Variants in JAZF1 observed in about 807,000 individuals in gnomAD.
JAZF1 encodes the protein JAZF zinc finger 1.
A neutral mutation model predicts 26.4 loss-of-function variants in JAZF1; 8 were observed. The ratio of observed to expected loss-of-function variants is 0.30; its 90% CI spans 0.18 to 0.55. The LOEUF is 0.55. JAZF1 is among the 20% of genes least tolerant of loss of function. The pLI is 0.94. For missense variants in JAZF1, 199 were observed against 322.0 expected (o/e 0.62, Z 2.92); for synonymous variants, 126 against 122.3 (o/e 1.03, Z -0.20).
chr7:28,174,882 C>G (rs1783527061), intron 1 of JAZF1, among the ~76,000 whole-genome samples: 1 of 119,170 alleles, frequency 8.4e-6, no homozygotes, highest in Admixed American at 8.8e-5. Context: ...TAGCATTACA[C>G]CTGGGGGCTT....
At chr7:27,897,694 G>A (rs1044769056) in intron 2 of JAZF1, among the ~76,000 whole-genome samples, 1 of 152,220 alleles carries the variant, frequency 6.6e-6, no homozygotes, top group Admixed American at 6.5e-5. Context: ...TGCACAGAAT[G>A]GGGAGCTATG....
chr7:27,963,050 T>C (rs2128357637), intron 2 of JAZF1, among the ~76,000 whole-genome samples: 1 of 152,280 alleles, frequency 6.6e-6, no homozygotes, highest in South Asian at 2.1e-4. Flanking sequence ...AAACCTTCAT[T>C]ATTAGGGAAT....
rs1391945067 is a variant in JAZF1, at chr7:27,833,097, TG to T, written c.556-122del. The T allele has an allele frequency of 1.0e-5, 7 of 685,550 alleles. No homozygotes were observed. In the South Asian group the frequency reaches 1.3e-4, roughly 13 times the overall value. 42.5% of individuals were successfully genotyped at this position (685,550 alleles called of 1,614,324 possible). A position where few individuals can be genotyped will look rare whatever the true frequency, so the allele number is the denominator to read the frequency against. ...GGCAGCTGTTTAGAGTGTAGTCTTT[TG>T]CAAGGACTCCAGTTGGGACCCTTCA... On this transcript the variant is annotated intron_variant, in intron 4 of 4. Coordinates refer to ENST00000283928, the MANE Select transcript of JAZF1 (RefSeq NM_175061.4).
intron 2 of JAZF1, among the ~76,000 whole-genome samples, chr7:27,965,425 T>C (rs1785256260): frequency 6.6e-6 from 1 of 152,204 alleles, no homozygotes; most frequent in Admixed American, 6.5e-5. Context: ...TTAACACACA[T>C]AAATGTCTTT....
intron 1 of JAZF1, among the ~76,000 whole-genome samples, chr7:28,176,784 G>C (rs1481189487): frequency 2.0e-5 from 3 of 152,144 alleles, no homozygotes; most frequent in East Asian, 3.8e-4. Flanking sequence ...TGATTCAACA[G>C]TTGTGTTTCT....
intron 1 of JAZF1, among the ~76,000 whole-genome samples, chr7:28,173,620 A>C (rs1303063697): frequency 6.6e-6 from 1 of 152,112 alleles, no homozygotes; most frequent in East Asian, 1.9e-4. Flanking sequence ...ATGTCCCTTC[A>C]AGGAGGTCTA....
chr7:28,147,994 T>C (rs1783053737), intron 1 of JAZF1, among the ~76,000 whole-genome samples: 1 of 152,156 alleles, frequency 6.6e-6, no homozygotes, highest in South Asian at 2.1e-4. Context: ...CTTTCTTTCC[T>C]TTATCCCCAT....
chr7:28,009,136 T>A (rs1782752924), intron 1 of JAZF1, among the ~76,000 whole-genome samples: 1 of 152,164 alleles, frequency 6.6e-6, no homozygotes, highest in Non-Finnish European at 1.5e-5. Flanking sequence ...CTAGGCTTAC[T>A]TAAGATGAGG....
intron 1 of JAZF1, among the ~76,000 whole-genome samples, chr7:28,076,636 G>A (rs1784055424): frequency 6.7e-6 from 1 of 149,208 alleles, no homozygotes; most frequent in South Asian, 2.1e-4. Context: ...GTGGAATTCA[G>A]AGTGAATGCT....
chr7:28,033,002 C>T (rs1783218528), intron 1 of JAZF1, among the ~76,000 whole-genome samples: 1 of 152,168 alleles, frequency 6.6e-6, no homozygotes, highest in Non-Finnish European at 1.5e-5. Context: ...CAGTCCTTGA[C>T]CCCTTCATCT....
intron 2 of JAZF1, among the ~76,000 whole-genome samples, chr7:27,904,467 G>A (rs1784216284): frequency 6.6e-6 from 1 of 152,086 alleles, no homozygotes; most frequent in Admixed American, 6.5e-5. Flanking sequence ...GGCCTTTTTT[G>A]GTGATCTGGG....
chr7:27,942,732 C>T (rs544053580), intron 2 of JAZF1, among the ~76,000 whole-genome samples: 12 of 152,296 alleles, frequency 7.9e-5, no homozygotes, highest in African/African-American at 2.6e-4. Context: ...TAGAAAAGGA[C>T]AGGGTGATAC....
chr7:28,040,428 G>A (rs1275711020), intron 1 of JAZF1, among the ~76,000 whole-genome samples: 7 of 152,208 alleles, frequency 4.6e-5, no homozygotes, highest in Non-Finnish European at 1.0e-4. Context: ...AAATTAAAGA[G>A]TAATGTAATC....
At chr7:27,980,137 T>C (rs1785552924) in intron 2 of JAZF1, among the ~76,000 whole-genome samples, 2 of 152,230 alleles carry the variant, frequency 1.3e-5, no homozygotes, top group Non-Finnish European at 2.9e-5. Flanking sequence ...TTAACTCTGA[T>C]ATCCCAACAG....
At chr7:28,099,720 C>T (rs932550441) in intron 1 of JAZF1, among the ~76,000 whole-genome samples, 3 of 152,202 alleles carry the variant, frequency 2.0e-5, no homozygotes, top group Non-Finnish European at 4.4e-5. Flanking sequence ...AGGTGATCTG[C>T]CTGCCTCAGC....
chr7:28,116,476 G>A (rs1784744197), intron 1 of JAZF1, among the ~76,000 whole-genome samples: 1 of 151,888 alleles, frequency 6.6e-6, no homozygotes, highest in African/African-American at 2.4e-5. Context: ...ACAGAGTCTC[G>A]CCCTGTCACC....
chr7:28,037,716 G>A (rs1012659628), intron 1 of JAZF1, among the ~76,000 whole-genome samples: 5 of 152,120 alleles, frequency 3.3e-5, no homozygotes, highest in African/African-American at 1.2e-4. Context: ...CTTTCTAAAT[G>A]CCAATTCACA....
intron 1 of JAZF1, among the ~76,000 whole-genome samples, chr7:28,171,789 T>C (rs1428117320): frequency 2.0e-5 from 3 of 152,200 alleles, no homozygotes; most frequent in Non-Finnish European, 2.9e-5. Context: ...GGGTAATGTC[T>C]ACTTCACAGG....
intron 3 of JAZF1, among the ~76,000 whole-genome samples, chr7:27,860,286 C>T (rs766645958): frequency 2.6e-5 from 4 of 152,154 alleles, no homozygotes; most frequent in Non-Finnish European, 5.9e-5. Context: ...AAAATTGGTT[C>T]TGTTATATGT....
Sources: allele counts gnomAD v4.1 joint callset (sites outside exome capture counted in the v4.1 genomes callset), GRCh38; gene constraint gnomAD v4.1.1; transcripts MANE v1.5; gene names NCBI Gene and HGNC (gene_info 2026-07-23, HGNC 2026-07-21).